The following TUSC3 variants were observed in gnomAD, a reference collection of about 807,000 sequenced individuals.
TUSC3 encodes tumor suppressor candidate 3, also known as dolichyl-diphosphooligosaccharide--protein glycosyltransferase subunit TUSC3.
TUSC3 carries 45 observed loss-of-function variants against 44.8 expected under a neutral mutation model. The observed-to-expected ratio is 1.00, with a 90% CI of 0.79 to 1.29. The LOEUF is 1.29. Ranked by LOEUF, TUSC3 falls within the 50% of genes most tolerant of loss-of-function variation. The pLI is 0.00. For synonymous variants in TUSC3, 212 were observed against 152.9 expected, an observed-to-expected ratio of 1.39 and a Z score of -2.85; for missense variants, 519 against 437.9, an observed-to-expected ratio of 1.19 and a Z score of -1.65.
intron 6 of TUSC3, among the ~76,000 whole-genome samples, chr8:15,702,906 G>C (rs926679770): frequency 6.6e-6 from 1 of 152,110 alleles, no homozygotes; most frequent in African/African-American, 2.4e-5. Context: ...GTGATTGAGA[G>C]TTTCAGAAAG....
At chr8:15,678,722 G>A (rs1338411439) in intron 6 of TUSC3, among the ~76,000 whole-genome samples, 3 of 152,246 alleles carry the variant, frequency 2.0e-5, no homozygotes, top group East Asian at 3.9e-4. Flanking sequence ...GCTGAGGACT[G>A]GGCATTACTG....
chr8:15,513,091 C>A (rs1394694439), intron 2 of TUSC3, among the ~76,000 whole-genome samples: 2 of 150,686 alleles, frequency 1.3e-5, no homozygotes, highest in African/African-American at 4.9e-5. Context: ...AATTATTACT[C>A]GAAAAATTAA....
chr8:15,500,770 C>T (rs1430833733), intron 2 of TUSC3, among the ~76,000 whole-genome samples: 4 of 152,034 alleles, frequency 2.6e-5, no homozygotes, highest in African/African-American at 4.8e-5. Context: ...AGCAAAGTTT[C>T]GGAACTTGAA....
At chr8:15,500,796 T>C (rs890542147) in intron 2 of TUSC3, among the ~76,000 whole-genome samples, 1 of 152,194 alleles carries the variant, frequency 6.6e-6, no homozygotes, top group African/African-American at 2.4e-5. Context: ...CCATGATTTA[T>C]TTTCTGTTCA....
intron 2 of TUSC3, among the ~76,000 whole-genome samples, chr8:15,494,748 G>A (rs1004317800): frequency 1.3e-5 from 2 of 152,144 alleles, no homozygotes; most frequent in African/African-American, 4.8e-5. Context: ...GACTTTTCTG[G>A]ACTGTATTAT....
chr8:15,762,377 G>C (rs558794725), intron 10 of TUSC3, among the ~76,000 whole-genome samples: 3 of 151,606 alleles, frequency 2.0e-5, no homozygotes, highest in South Asian at 4.2e-4. Flanking sequence ...TGTTACACCA[G>C]GTTAAGAAAA....
chr8:15,720,917 G>C (rs764810482), intron 6 of TUSC3, among the ~76,000 whole-genome samples: 7 of 152,040 alleles, frequency 4.6e-5, no homozygotes, highest in Non-Finnish European at 1.0e-4. Context: ...TGGCCACCCA[G>C]GGTTCTTGTC....
chr8:15,638,537 T>C (rs1166691905), intron 2 of TUSC3, among the ~76,000 whole-genome samples: 1 of 72,214 alleles, frequency 1.4e-5, no homozygotes, highest in East Asian at 5.9e-4. Context: ...TTTTTTTTTT[T>C]TTGGAGACAA....
chr8:15,799,678 A>G, the TUSC3 span, among the ~76,000 whole-genome samples: 5 of 152,260 alleles, frequency 3.3e-5, no homozygotes, highest in African/African-American at 1.2e-4. Context: ...ATCAGCCCAT[A>G]AAGTCCTCAT....
chr8:15,559,377 A>G (rs1186716434), intron 1 of TUSC3, among the ~76,000 whole-genome samples: 2 of 148,834 alleles, frequency 1.3e-5, no homozygotes, highest in Non-Finnish European at 3.0e-5. Flanking sequence ...ACAGTTTGTT[A>G]TAATTTCTGT....
intron 9 of TUSC3, among the ~76,000 whole-genome samples, chr8:15,757,534 T>A (rs1351288870): frequency 6.6e-6 from 1 of 152,174 alleles, no homozygotes; most frequent in Non-Finnish European, 1.5e-5. Flanking sequence ...ACAGTACACA[T>A]CATTGATGAG....
the TUSC3 span, among the ~76,000 whole-genome samples, chr8:15,788,182 C>T: frequency 4.8e-4 from 73 of 152,202 alleles, no homozygotes; most frequent in African/African-American, 1.7e-3. Flanking sequence ...CATGTTTAGA[C>T]CTTGACCACT....
chr8:15,611,931 G>A (rs1372851194), intron 1 of TUSC3, among the ~76,000 whole-genome samples: 1 of 152,136 alleles, frequency 6.6e-6, no homozygotes. Context: ...TATGCATCTG[G>A]CTGCTCATGT....
chr8:15,566,850 C>G (rs1291246984), intron 1 of TUSC3, among the ~76,000 whole-genome samples: 1 of 152,084 alleles, frequency 6.6e-6, no homozygotes, highest in Non-Finnish European at 1.5e-5. Flanking sequence ...CCAGGCTGCT[C>G]TTAAATTTCT....
chr8:15,723,189 G>C (rs1037252778), intron 6 of TUSC3, among the ~76,000 whole-genome samples: 2 of 152,042 alleles, frequency 1.3e-5, no homozygotes, highest in African/African-American at 2.4e-5. Context: ...ACTTTTTGGA[G>C]TATGCCTGGG....
intron 6 of TUSC3, among the ~76,000 whole-genome samples, chr8:15,709,109 A>G (rs1467552503): frequency 6.6e-6 from 1 of 152,060 alleles, no homozygotes; most frequent in Non-Finnish European, 1.5e-5. Flanking sequence ...TAGCCTGACT[A>G]GAAGAGAGAG....
At chr8:15,585,780 G>T (rs1290544003) in intron 1 of TUSC3, among the ~76,000 whole-genome samples, 1 of 152,134 alleles carries the variant, frequency 6.6e-6, no homozygotes, top group East Asian at 1.9e-4. Flanking sequence ...CTCAGTGTCT[G>T]TGCCTGCAGA....
chr8:15,633,564 T>C (rs574266959), intron 2 of TUSC3, among the ~76,000 whole-genome samples: 50 of 152,316 alleles, frequency 3.3e-4, no homozygotes, highest in African/African-American at 1.2e-3. Flanking sequence ...ATATGACCGA[T>C]GCCATATCAG....
chr8:15,812,346 A>G, the TUSC3 span, among the ~76,000 whole-genome samples: 2 of 152,196 alleles, frequency 1.3e-5, no homozygotes, highest in Admixed American at 6.5e-5. Flanking sequence ...AACTATTTCT[A>G]TGGGAGTCAA....
Sources: gnomAD v4.1 joint callset for allele counts (sites outside exome capture counted in the v4.1 genomes callset) on GRCh38, gnomAD v4.1.1 for gene constraint, MANE v1.5 for transcripts, NCBI Gene and HGNC (gene_info 2026-07-23, HGNC 2026-07-21) for gene names.